The following LAMA2 variants were observed in gnomAD, a reference collection of about 807,000 sequenced individuals.
LAMA2 encodes laminin subunit alpha 2, also known as laminin subunit alpha-2.
LAMA2 carries 269 observed loss-of-function variants against 364.8 expected under a neutral mutation model. That is an observed-to-expected ratio of 0.74 (90% CI 0.67 to 0.82). The LOEUF is 0.82. Among genes scored for constraint, LAMA2 ranks in the 40% least tolerant of loss-of-function variants. The pLI, the probability that LAMA2 is intolerant of heterozygous loss-of-function variation, is 0.00. For synonymous variants in LAMA2, 1,379 were observed against 1,370.6 expected, an observed-to-expected ratio of 1.01 and a Z score of -0.14; for missense variants, 3,807 against 3,873.2, an observed-to-expected ratio of 0.98 and a Z score of 0.45.
At chr6:129,511,396 G>GTTTA (rs1167655952) in intron 62 of LAMA2, among the ~76,000 whole-genome samples, 1 of 150,900 alleles carries the variant, frequency 6.6e-6, no homozygotes, top group Non-Finnish European at 1.5e-5. Context: ...TTATTTTTTC[G>GTTTA]TTTATTTCCA....
intron 17 of LAMA2, among the ~76,000 whole-genome samples, chr6:129,274,186 T>C (rs1788138201): frequency 6.6e-6 from 1 of 151,830 alleles, no homozygotes; most frequent in African/African-American, 2.4e-5. Context: ...AAAATTATCA[T>C]GGTTTAGTTG....
chr6:129,477,032 AG>A (rs1338134047), intron 53 of LAMA2, among the ~76,000 whole-genome samples: 3 of 152,192 alleles, frequency 2.0e-5, no homozygotes, highest in Admixed American at 6.5e-5. Flanking sequence ...TGGGACAATG[AG>A]GAGAGAATTA....
Position 129,205,478 on chromosome 6 carries a change from G to GTA in LAMA2, c.1782+12640_1782+12641dup, listed in dbSNP as rs749614184. On this transcript the variant is annotated intron_variant, in intron 12 of 64. Coordinates refer to ENST00000421865, the MANE Select transcript of LAMA2 (RefSeq NM_000426.4). ...TCTCTTCTGGGAATTTATTCTGTAA[G>GTA]TATATATATATATATACACACACAC... Among the ~76,000 whole-genome samples, 416 of 116,382 alleles carry GTA rather than the reference G, an allele frequency of 3.6e-3. 7 individuals carry two copies. The highest frequency in any genetic ancestry group is 8.4e-3 in the Middle Eastern group (2 of 238). The allele number at this position is 116,382 out of a possible 152,430, so 76.4% of individuals were successfully genotyped here.
intron 1 of LAMA2, among the ~76,000 whole-genome samples, chr6:128,944,770 G>A (rs1296635883): frequency 6.6e-6 from 1 of 152,198 alleles, no homozygotes; most frequent in Non-Finnish European, 1.5e-5. Context: ...AGAAGGTTAA[G>A]GAGGAGCAGG....
intron 12 of LAMA2, among the ~76,000 whole-genome samples, chr6:129,205,856 T>A (rs927187419): frequency 6.6e-6 from 1 of 151,688 alleles, no homozygotes; most frequent in African/African-American, 2.4e-5. Flanking sequence ...GAAACCCCAC[T>A]CTACTAAAAA....
intron 1 of LAMA2, among the ~76,000 whole-genome samples, chr6:128,911,293 C>T (rs527317167): frequency 4.6e-5 from 7 of 152,124 alleles, no homozygotes; most frequent in African/African-American, 1.7e-4. Flanking sequence ...AGTGAGACTC[C>T]GTGGGCGTAG....
At chr6:128,938,114 T>C (rs1029990140) in intron 1 of LAMA2, among the ~76,000 whole-genome samples, 2 of 152,144 alleles carry the variant, frequency 1.3e-5, no homozygotes, top group Non-Finnish European at 2.9e-5. Flanking sequence ...TTAGCCAGGC[T>C]GCCTGTATTC....
At chr6:129,024,547 T>G (rs113042125) in intron 1 of LAMA2, among the ~76,000 whole-genome samples, 22,497 of 151,690 alleles carry the variant, frequency 0.15, 1,847 homozygotes, top group African/African-American at 0.2. Context: ...CCATGCCAGC[T>G]AATTTTTATT....
At chr6:129,101,558 C>T (rs1461984163) in intron 4 of LAMA2, among the ~76,000 whole-genome samples, 1 of 152,216 alleles carries the variant, frequency 6.6e-6, no homozygotes, top group Non-Finnish European at 1.5e-5. Context: ...CAGATCTTCA[C>T]TGCCCACTAC....
intron 31 of LAMA2, among the ~76,000 whole-genome samples, chr6:129,349,626 T>C (rs940258539): frequency 1.3e-5 from 2 of 151,276 alleles, no homozygotes; most frequent in African/African-American, 4.8e-5. Flanking sequence ...ATCTAACTTA[T>C]GCTTTAGTAT....
chr6:129,219,825 T>G (rs1583277380), intron 12 of LAMA2, among the ~76,000 whole-genome samples: 1 of 15,198 alleles, frequency 6.6e-5, no homozygotes, highest in African/African-American at 2.8e-4. Context: ...TGGGGACTGT[T>G]GTGGGGTGGG....
At position 129,149,104 on chromosome 6, in the gene LAMA2, C is replaced by T; in HGVS notation, c.1027+8C>T. The T allele has an allele frequency of 2.0e-6, 3 of 1,487,986 alleles. No individual in the cohort carries two copies. Among genetic ancestry groups the T allele is most frequent in the Non-Finnish European group, 2.8e-6 (3 of 1,065,016 alleles). 92.2% of individuals were successfully genotyped at this position (1,487,986 alleles called of 1,614,324 possible). A position where few individuals can be genotyped will look rare whatever the true frequency, so the allele number is the denominator to read the frequency against. On this transcript the variant is annotated splice_region_variant and intron_variant, in intron 7 of 64. Transcript: ENST00000421865. The stretch of plus-strand genomic sequence containing the variant: ...CTAAAACTGAATGTGAAGGTATGTT[C>T]TTTAGAAGCCAACAAAATATGTCAT...
At chr6:129,324,260 C>T (rs1775139254) in intron 28 of LAMA2, among the ~76,000 whole-genome samples, 1 of 152,128 alleles carries the variant, frequency 6.6e-6, no homozygotes, top group South Asian at 2.1e-4. Flanking sequence ...TTATGTATGA[C>T]AATTATTAAA....
chr6:129,373,380 G>A (rs1268492011), intron 34 of LAMA2, among the ~76,000 whole-genome samples: 1 of 152,084 alleles, frequency 6.6e-6, no homozygotes, highest in Non-Finnish European at 1.5e-5. Context: ...AGAGTACCAA[G>A]AGCCTTCACA....
intron 4 of LAMA2, among the ~76,000 whole-genome samples, chr6:129,142,944 T>C (rs904702510): frequency 6.6e-6 from 1 of 152,066 alleles, no homozygotes; most frequent in Non-Finnish European, 1.5e-5. Flanking sequence ...CATTTTGTTA[T>C]GGTGTTGGTG....
chr6:129,129,546 T>C (rs1194725495), intron 4 of LAMA2, among the ~76,000 whole-genome samples: 1 of 152,166 alleles, frequency 6.6e-6, no homozygotes, highest in Non-Finnish European at 1.5e-5. Context: ...AGTAGGGATA[T>C]ATAAGTATAA....
At chr6:129,281,104 AC>A (rs1370772440) in intron 18 of LAMA2, among the ~76,000 whole-genome samples, 1 of 152,168 alleles carries the variant, frequency 6.6e-6, no homozygotes, top group African/African-American at 2.4e-5. Flanking sequence ...CCTAGCAGCA[AC>A]AAGTACTATT....
chr6:129,492,191 G>C lies in LAMA2; in HGVS notation c.8075+114G>C, dbSNP rs887990265. ...ATGCAGGGGAGGAGGGAAACAATGA[G>C]GATCTTCAACTTAGACTGAGAAAAG... is the stretch of plus-strand genomic sequence containing the variant. On this transcript the variant is annotated intron_variant, in intron 57 of 64. Coordinates refer to ENST00000421865, the MANE Select transcript of LAMA2 (RefSeq NM_000426.4). The C allele has an allele frequency of 2.1e-6, 3 of 1,403,668 alleles. No homozygotes were observed. The South Asian group carries it at 3.5e-5, about 16-fold the overall frequency. The allele number at this position is 1,403,668 out of a possible 1,614,324, so 87.0% of individuals were successfully genotyped here.
chr6:129,148,179 A>G (rs1020254459), intron 6 of LAMA2, among the ~76,000 whole-genome samples: 2 of 152,126 alleles, frequency 1.3e-5, no homozygotes, highest in Non-Finnish European at 2.9e-5. Flanking sequence ...TGCCATAAAA[A>G]GGAATGAGAT....
Sources: allele counts gnomAD v4.1 joint callset (sites outside exome capture counted in the v4.1 genomes callset), GRCh38; gene constraint gnomAD v4.1.1; transcripts MANE v1.5; gene names NCBI Gene and HGNC (gene_info 2026-07-23, HGNC 2026-07-21).